Variants in IFT74 observed in about 807,000 individuals in gnomAD.
IFT74 encodes the protein intraflagellar transport protein 74 homolog.
In IFT74, 92 loss-of-function variants were observed where a neutral mutation model predicts 96.7. The ratio of observed to expected loss-of-function variants is 0.95; its 90% CI spans 0.80 to 1.13. The LOEUF is 1.13. IFT74 is among the 50% of genes most tolerant of loss of function. The pLI, the probability that IFT74 is intolerant of heterozygous loss-of-function variation, is 0.00. For synonymous variants in IFT74, 223 were observed against 213.2 expected (o/e 1.05, Z -0.40); for missense variants, 811 against 698.2 (o/e 1.16, Z -1.82).
At chr9:26,993,166 T>C (rs1827963155) in intron 8 of IFT74, 1 of 152,214 alleles carries the variant, frequency 6.6e-6, no homozygotes, top group Admixed American at 6.5e-5. Context: ...CAGATATTTA[T>C]TGAATACCCC....
At chr9:27,059,074 C>T (rs1379616825) in intron 18 of IFT74, among the ~76,000 whole-genome samples, 1 of 151,872 alleles carries the variant, frequency 6.6e-6, no homozygotes, top group African/African-American at 2.4e-5. Flanking sequence ...ACTTGAAAAA[C>T]ACCATTTCTT....
At chr9:26,980,444 T>C in intron 3 of IFT74, 127 bp from the exon 4 acceptor site, 1 of 716,038 alleles carries the variant, frequency 1.4e-6, no homozygotes. Flanking sequence ...GTGATTCTTC[T>C]TGATTCATTG....
chr9:27,010,558 C>T (rs139362754), intron 9 of IFT74, among the ~76,000 whole-genome samples: 63 of 150,034 alleles, frequency 4.2e-4, no homozygotes, highest in African/African-American at 1.5e-3. Flanking sequence ...GGCGCGATCT[C>T]GGCTCACTGG....
chr9:27,041,270 A>G (rs1819464413), intron 13 of IFT74, among the ~76,000 whole-genome samples: 1 of 152,120 alleles, frequency 6.6e-6, no homozygotes, highest in South Asian at 2.1e-4. Context: ...AATCCTCCTG[A>G]AGTCTTTTCA....
intron 13 of IFT74, among the ~76,000 whole-genome samples, chr9:27,039,109 T>C (rs1336522382): frequency 6.6e-6 from 1 of 152,212 alleles, no homozygotes; most frequent in African/African-American, 2.4e-5. Flanking sequence ...ATGGGCACCA[T>C]GGGCACCAAA....
chr9:26,947,151 G>C, intron 1 of IFT74: 4 of 1,318,518 alleles, frequency 3.0e-6, no homozygotes, highest in South Asian at 3.3e-5. Flanking sequence ...CTGCAGGTAA[G>C]GGGCGGCCGG....
chr9:26,981,014 C>T lies in IFT74; in HGVS notation c.305+395C>T, dbSNP rs1035613601. Among the ~76,000 whole-genome samples, 25 of 152,156 alleles carry T rather than the reference C, an allele frequency of 1.6e-4. 3 individuals are homozygous for T. Among genetic ancestry groups the T allele is most frequent in the Admixed American group, 1.4e-3 (21 of 15,266 alleles). Reference sequence around the variant, plus strand: ...TTCAGTGTCTGGTGGGCACCTGTTTCTCACAGATAGTGCCGTCAAGGTGTC... The same window carrying T: ...TTCAGTGTCTGGTGGGCACCTGTTTTTCACAGATAGTGCCGTCAAGGTGTC... On this transcript the variant is annotated intron_variant, in intron 4 of 19. Coordinates refer to ENST00000380062, the MANE Select transcript of IFT74 (RefSeq NM_025103.4).
chr9:26,965,753 C>T (rs530727987), intron 2 of IFT74, among the ~76,000 whole-genome samples: 65 of 152,036 alleles, frequency 4.3e-4, no homozygotes, highest in African/African-American at 1.5e-3. Flanking sequence ...AACACTGTAC[C>T]CAATATGTAA....
chr9:26,985,718 A>G (rs1827600675), intron 6 of IFT74, among the ~76,000 whole-genome samples: 1 of 152,172 alleles, frequency 6.6e-6, no homozygotes, highest in Admixed American at 6.5e-5. Flanking sequence ...TCTCCCTAAA[A>G]TATGTTAAAA....
intron 1 of IFT74, among the ~76,000 whole-genome samples, chr9:26,957,694 C>G (rs564465001): frequency 1.1e-4 from 17 of 152,212 alleles, no homozygotes; most frequent in African/African-American, 4.1e-4. Context: ...TAGAAGCAGT[C>G]CAAGGACTGA....
intron 3 of IFT74, 33 bp downstream of exon 3, chr9:26,978,296 C>G (rs1192249922): frequency 1.9e-6 from 3 of 1,595,618 alleles, no homozygotes; most frequent in East Asian, 4.5e-5. Context: ...GACACTTGGG[C>G]CTGTGTTTTG....
At chr9:27,047,995 T>C (rs1819766528) in intron 15 of IFT74, among the ~76,000 whole-genome samples, 153 bp from the exon 16 acceptor site, 1 of 152,194 alleles carries the variant, frequency 6.6e-6, no homozygotes, top group Non-Finnish European at 1.5e-5. Context: ...ATTTGGAATC[T>C]CATTTTCTAT....
At chr9:26,991,563 C>G (rs1827872627) in intron 8 of IFT74, among the ~76,000 whole-genome samples, 1 of 152,120 alleles carries the variant, frequency 6.6e-6, no homozygotes, top group Admixed American at 6.5e-5. Flanking sequence ...ATCTTATAAA[C>G]TCAAAATACT....
At chr9:27,059,365 C>T (rs1005334756) in intron 18 of IFT74, among the ~76,000 whole-genome samples, 5 of 152,150 alleles carry the variant, frequency 3.3e-5, no homozygotes, top group African/African-American at 4.8e-5. Context: ...ATTTTTGCTT[C>T]ATGATGTCCT....
chr9:27,004,112 G>T (rs969059807), intron 8 of IFT74, among the ~76,000 whole-genome samples: 2 of 152,178 alleles, frequency 1.3e-5, no homozygotes, highest in African/African-American at 4.8e-5. Flanking sequence ...GTTAAAAGTT[G>T]ATATGAAATA....
intron 1 of IFT74, among the ~76,000 whole-genome samples, chr9:26,960,588 T>G (rs1353505589): frequency 1.3e-5 from 2 of 152,230 alleles, no homozygotes; most frequent in African/African-American, 4.8e-5. Context: ...TGAAAACTAC[T>G]ACTCTAAATT....
intron 8 of IFT74, among the ~76,000 whole-genome samples, chr9:27,001,171 A>G (rs1307291781): frequency 2.6e-5 from 4 of 152,008 alleles, no homozygotes; most frequent in Admixed American, 2.0e-4. Flanking sequence ...ATTCCATTGT[A>G]TATATATGCT....
In IFT74 at chr9:27,016,902, T is replaced by C; in HGVS notation, c.790-5T>C. On this transcript the variant is annotated splice_region_variant and splice_polypyrimidine_tract_variant and intron_variant, in intron 10 of 19. Coordinates refer to ENST00000380062, the MANE Select transcript of IFT74 (RefSeq NM_025103.4). ...TTAAAACTTTCCCTTCTTATTTTCCTTTAGGAAATAGCTCACTCCCAGGTG... is the reference window on the plus strand; with the variant it reads ...TTAAAACTTTCCCTTCTTATTTTCCCTTAGGAAATAGCTCACTCCCAGGTG... 6.3e-7 allele frequency: 1 copy of C among 1,587,520 alleles called. No homozygotes were observed. The highest frequency in any genetic ancestry group is 8.5e-7 in the Non-Finnish European group (1 of 1,171,552).
At chr9:26,990,971 A>G (rs1827839561) in intron 8 of IFT74, among the ~76,000 whole-genome samples, 1 of 152,240 alleles carries the variant, frequency 6.6e-6, no homozygotes, top group Admixed American at 6.5e-5. Context: ...CACAAACACA[A>G]TGAGCTATGT....
Sources: allele counts gnomAD v4.1 joint callset (sites outside exome capture counted in the v4.1 genomes callset), GRCh38; gene constraint gnomAD v4.1.1; transcripts MANE v1.5; gene names NCBI Gene and HGNC (gene_info 2026-07-23, HGNC 2026-07-21).